BMPR1B: variants seen among roughly 807,000 people sequenced by gnomAD.
BMPR1B encodes the protein bone morphogenetic protein receptor type 1B.
In BMPR1B, 12 loss-of-function variants were observed where a neutral mutation model predicts 59.1. That is an observed-to-expected ratio of 0.20 (90% CI 0.13 to 0.33). The LOEUF (loss-of-function observed/expected upper bound fraction) is 0.33. Ranked by LOEUF, BMPR1B falls within the 10% of genes least tolerant of loss-of-function variation. The pLI, the probability that BMPR1B is intolerant of heterozygous loss-of-function variation, is 1.00. For missense variants in BMPR1B, 550 were observed against 610.9 expected (o/e 0.90, Z 1.05); for synonymous variants, 237 against 207.3 (o/e 1.14, Z -1.23).
At chr4:94,857,465 T>A (rs1725804297) in intron 1 of BMPR1B, among the ~76,000 whole-genome samples, 4 of 152,202 alleles carry the variant, frequency 2.6e-5, no homozygotes, top group Admixed American at 2.6e-4. Context: ...TAGTGGACTA[T>A]AAGATATTTA....
intron 2 of BMPR1B, among the ~76,000 whole-genome samples, chr4:94,921,703 A>G (rs147066941): frequency 0.016 from 2,405 of 152,258 alleles, 66 homozygotes; most frequent in African/African-American, 0.055. Flanking sequence ...ATTAGGCATT[A>G]TAATTCAAAA....
rs116594805 is a variant in BMPR1B, at chr4:94,848,759, A to T, written c.-182-27072A>T. On this transcript the variant is annotated intron_variant, in intron 1 of 12. Coordinates refer to ENST00000515059, the MANE Select transcript of BMPR1B (RefSeq NM_001203.3). ...TGCTAGAGGCTACTGAAGCGGTTCCAGGTGGGCTAGAATGGCAGGGGTGGA... is the reference window on the plus strand; with the variant it reads ...TGCTAGAGGCTACTGAAGCGGTTCCTGGTGGGCTAGAATGGCAGGGGTGGA... Among the ~76,000 whole-genome samples the T allele has an allele frequency of 6.6e-3, 1,010 of 152,296 alleles. 10 individuals carry two copies. The highest frequency in any genetic ancestry group is 0.023 in the African/African-American group (943 of 41,572).
intron 2 of BMPR1B, among the ~76,000 whole-genome samples, chr4:94,972,709 G>C (rs1730859493): frequency 6.6e-6 from 1 of 151,970 alleles, no homozygotes; most frequent in Admixed American, 6.6e-5. Context: ...TCAGACCTAT[G>C]CAAGTTTCAG....
chr4:95,138,677 C>A (rs537812323), intron 10 of BMPR1B, among the ~76,000 whole-genome samples: 147 of 152,248 alleles, frequency 9.7e-4, no homozygotes, highest in Non-Finnish European at 1.6e-3. Context: ...TCACTGATAC[C>A]CTTTCTTTCA....
intron 3 of BMPR1B, among the ~76,000 whole-genome samples, chr4:95,057,268 C>T (rs1726998175): frequency 6.6e-6 from 1 of 151,706 alleles, no homozygotes; most frequent in Non-Finnish European, 1.5e-5. Context: ...TTTTTTGAGA[C>T]AGAATCTCAC....
Position 95,020,240 on chromosome 4 carries a change from A to G in BMPR1B, c.-18+24106A>G, listed in dbSNP as rs1723875413. Among the ~76,000 whole-genome samples the G allele has an allele frequency of 2.6e-5, 4 of 152,290 alleles. No homozygotes were observed. The South Asian group carries it at 8.3e-4, about 32-fold the overall frequency. The stretch of plus-strand genomic sequence containing the variant: ...CACCAGGATCTAATGAGTAGAAGTC[A>G]AGGATGCTGCTAAACATCTTACACT... On this transcript the variant is annotated intron_variant, in intron 3 of 12. Coordinates refer to ENST00000515059, the MANE Select transcript of BMPR1B (RefSeq NM_001203.3).
intron 2 of BMPR1B, among the ~76,000 whole-genome samples, chr4:94,928,495 T>C (rs1728973989): frequency 6.6e-6 from 1 of 152,010 alleles, no homozygotes; most frequent in Non-Finnish European, 1.5e-5. Flanking sequence ...AATCTCATTC[T>C]AATTTCTGGT....
chr4:94,889,089 T>C (rs1158705604), intron 2 of BMPR1B, among the ~76,000 whole-genome samples: 2 of 152,000 alleles, frequency 1.3e-5, no homozygotes, highest in Non-Finnish European at 1.5e-5. Flanking sequence ...TAAAGAGGAA[T>C]AGGATGTCAG....
At position 95,117,857 on chromosome 4, in the gene BMPR1B, G is replaced by T. The variant is rs141755780; in HGVS notation, c.349+2070G>T. Among the ~76,000 whole-genome samples the T allele has an allele frequency of 2.1e-3, 313 of 152,238 alleles. 4 individuals carry two copies. The East Asian group carries it at 0.053, about 26-fold the overall frequency. On this transcript the variant is annotated intron_variant, in intron 6 of 12. Coordinates refer to ENST00000515059, the MANE Select transcript of BMPR1B (RefSeq NM_001203.3). ...TTTCAGTCCAGTTAGGAGTGTGAAG[G>T]TGAGAGAGCATTATCTGAGGAGGAT...
chr4:94,774,076 T>C (rs1306568427), intron 1 of BMPR1B, among the ~76,000 whole-genome samples: 1 of 152,100 alleles, frequency 6.6e-6, no homozygotes, highest in East Asian at 1.9e-4. Context: ...TCAACTCTAT[T>C]ATTTTTATAT....
intron 10 of BMPR1B, among the ~76,000 whole-genome samples, chr4:95,146,468 C>G (rs894871857): frequency 6.6e-6 from 1 of 152,074 alleles, no homozygotes; most frequent in Non-Finnish European, 1.5e-5. Flanking sequence ...CCTGACCTCC[C>G]AAATCCAAAT....
intron 3 of BMPR1B, among the ~76,000 whole-genome samples, chr4:95,010,155 C>A (rs886295573): frequency 2.0e-5 from 3 of 152,082 alleles, no homozygotes; most frequent in Admixed American, 1.3e-4. Context: ...AGGAGGGGCC[C>A]GTTTCAGGGT....
At chr4:95,066,392 C>T (rs988289489) in intron 3 of BMPR1B, among the ~76,000 whole-genome samples, 6 of 152,090 alleles carry the variant, frequency 3.9e-5, no homozygotes, top group Admixed American at 1.3e-4. Context: ...GGAGGGAAAA[C>T]GACCTCAGGG....
intron 3 of BMPR1B, among the ~76,000 whole-genome samples, chr4:95,093,578 TATGTC>T (rs1388006907): frequency 6.6e-6 from 1 of 152,124 alleles, no homozygotes; most frequent in Non-Finnish European, 1.5e-5. Context: ...TGTTGACTTG[TATGTC>T]ATATTTACTC....
chr4:94,908,350 A>C (rs1728145634), intron 2 of BMPR1B, among the ~76,000 whole-genome samples: 2 of 150,782 alleles, frequency 1.3e-5, no homozygotes, highest in South Asian at 4.2e-4. Flanking sequence ...GGTTCCTATT[A>C]ATTCATTCAG....
rs1287264244 is a variant in BMPR1B at position 95,137,938 on chromosome 4, A to G, written c.1076+6426A>G. Among the ~76,000 whole-genome samples the G allele has an allele frequency of 2.0e-5, 3 of 152,054 alleles. No homozygotes were observed. In the East Asian group the frequency reaches 5.8e-4, roughly 29 times the overall value. ...GTTAATATTGTTATGTGTGAGTTTG[A>G]TCCTGTCATTATGATGTTAGCTGCA... On this transcript the variant is annotated intron_variant, in intron 10 of 12. Transcript: ENST00000515059.
chr4:94,994,200 C>G (rs1180857690), intron 2 of BMPR1B, among the ~76,000 whole-genome samples: 3 of 152,216 alleles, frequency 2.0e-5, no homozygotes, highest in African/African-American at 7.2e-5. Flanking sequence ...CCAAGTTTGT[C>G]AACCTGGCTT....
chr4:95,154,962 C>CTTT lies in BMPR1B; in HGVS notation c.*300_*302dup. ...AGAAAGCCCTGTATTTTGTGATTGC[C>CTTT]TTTTTTTTTTTTTAAGATGCTTTCA... is the stretch of plus-strand genomic sequence containing the variant. On this transcript the variant is annotated 3_prime_UTR_variant, in exon 13 of 13. Transcript: ENST00000515059. 6 of 282,746 alleles carry CTTT rather than the reference C, an allele frequency of 2.1e-5. No individual in the cohort carries two copies. Among genetic ancestry groups the CTTT allele is most frequent in the South Asian group, 4.4e-5 (1 of 22,574 alleles). 17.5% of individuals were successfully genotyped at this position (282,746 alleles called of 1,614,324 possible). A position where few individuals can be genotyped will look rare whatever the true frequency, so the allele number is the denominator to read the frequency against.
intron 3 of BMPR1B, among the ~76,000 whole-genome samples, chr4:95,071,639 T>TGA (rs1728284787): frequency 1.1e-5 from 1 of 90,552 alleles, no homozygotes; most frequent in Non-Finnish European, 2.1e-5. Flanking sequence ...TGTTTGTGTG[T>TGA]GTGTGTGTGT....
Sources: gnomAD v4.1 joint callset for allele counts (sites outside exome capture counted in the v4.1 genomes callset) on GRCh38, gnomAD v4.1.1 for gene constraint, MANE v1.5 for transcripts, NCBI Gene and HGNC (gene_info 2026-07-23, HGNC 2026-07-21) for gene names.